Variants in DDX60L observed in about 807,000 individuals in gnomAD.
The protein encoded by DDX60L is probable ATP-dependent RNA helicase DDX60-like.
A neutral mutation model predicts 211.6 loss-of-function variants in DDX60L; 191 were observed. That is an observed-to-expected ratio of 0.90 (90% CI 0.80 to 1.02). The LOEUF (loss-of-function observed/expected upper bound fraction) is 1.02. Among genes scored for constraint, DDX60L ranks in the 50% least tolerant of loss-of-function variants. DDX60L has a pLI of 0.00. For synonymous variants in DDX60L, 706 were observed against 694.1 expected (o/e 1.02, Z -0.27); for missense variants, 2,007 against 1,984.1 (o/e 1.01, Z -0.22).
At chr4:168,441,304 C>CT in intron 10 of DDX60L, 33 bp downstream of exon 10, 1 of 1,546,348 alleles carries the variant, frequency 6.5e-7, no homozygotes, top group Non-Finnish European at 8.7e-7. Flanking sequence ...GACAAACATG[C>CT]TTTTGTTCCA....
intron 27 of DDX60L, 116 bp downstream of exon 27, chr4:168,395,843 G>A (rs1398772759): frequency 1.4e-6 from 1 of 732,562 alleles, no homozygotes; most frequent in Middle Eastern, 3.8e-4. Flanking sequence ...CACACACAGA[G>A]ATAATCATAT....
intron 15 of DDX60L, among the ~76,000 whole-genome samples, chr4:168,423,000 T>TGTGTGTGTGTGTG (rs375472116): frequency 1.1e-4 from 12 of 108,160 alleles, no homozygotes; most frequent in South Asian, 5.1e-4. Context: ...TGTGTGTGTG[T>TGTGTGTGTGTGTG]TGTAGAGACA....
At chr4:168,467,860 C>G (rs1022295868) in intron 4 of DDX60L, among the ~76,000 whole-genome samples, 2 of 152,070 alleles carry the variant, frequency 1.3e-5, no homozygotes, top group Non-Finnish European at 2.9e-5. Context: ...CAAAACCAAA[C>G]GAAGGCATTA....
chr4:168,376,542 G>T (rs1485665668), intron 33 of DDX60L, among the ~76,000 whole-genome samples: 2 of 152,158 alleles, frequency 1.3e-5, no homozygotes, highest in Non-Finnish European at 2.9e-5. Flanking sequence ...CCTTACAGTG[G>T]ATAGTATGAC....
At chr4:168,364,536 G>A (rs1432382796) in intron 36 of DDX60L, among the ~76,000 whole-genome samples, 2 of 152,118 alleles carry the variant, frequency 1.3e-5, no homozygotes, top group African/African-American at 2.4e-5. Flanking sequence ...CTGCACCATA[G>A]ACCAAATTGA....
At position 168,421,760 on chromosome 4, in the gene DDX60L, C is replaced by T; in HGVS notation, c.2394G>A (p.Lys798=). 4 of 1,613,956 alleles carry T rather than the reference C, an allele frequency of 2.5e-6. No homozygotes were observed. The highest frequency in any genetic ancestry group is 1.3e-5 in the African/African-American group (1 of 75,038). The part of the protein sequence containing the change: ...VGVVVYVAPA[K]SLVGQVAATV... ...AAAATGAAAGTCATTCAAACACTAC[C>T]TTTGCGGGTGCAACGTACACAACCA... Residue 798 remains lysine (K), a splice_region_variant and synonymous_variant, in exon 17 of 38, where the codon AAG becomes AAA. Coordinates refer to ENST00000682922, the MANE Select transcript of DDX60L (RefSeq NM_001012967.3).
rs1224238365 is a variant in DDX60L, at chr4:168,390,556, A to T, written c.3915+984T>A. On this transcript the variant is annotated intron_variant, in intron 29 of 37. Coordinates refer to ENST00000682922, the MANE Select transcript of DDX60L (RefSeq NM_001012967.3). ...CTAAATTTGAATAAGAAAAGAGGAA[A>T]ATTTCAAGAATAAGCAAAATGATAA... The T allele has an allele frequency of 5.0e-6, 6 of 1,190,970 alleles. No individual in the cohort carries two copies. The South Asian group carries it at 1.1e-4, about 21-fold the overall frequency. 73.8% of individuals were successfully genotyped at this position (1,190,970 alleles called of 1,614,324 possible). A position where few individuals can be genotyped will look rare whatever the true frequency, so the allele number is the denominator to read the frequency against.
chr4:168,377,319 TAA>T (rs1742141137), intron 33 of DDX60L, among the ~76,000 whole-genome samples: 1 of 64,198 alleles, frequency 1.6e-5, no homozygotes, highest in African/African-American at 7.9e-5. Context: ...AATAAATAAA[TAA>T]ATAAATAAAT....
chr4:168,473,571 C>T (rs1295641204), intron 1 of DDX60L, among the ~76,000 whole-genome samples: 1 of 152,112 alleles, frequency 6.6e-6, no homozygotes, highest in Non-Finnish European at 1.5e-5. Flanking sequence ...CTAGCAAGGA[C>T]AGGAGGATGG....
At chr4:168,359,878 G>A (rs1334175056) in intron 37 of DDX60L, among the ~76,000 whole-genome samples, 7 of 152,126 alleles carry the variant, frequency 4.6e-5, no homozygotes, top group South Asian at 2.1e-4. Flanking sequence ...GCCTATCCCC[G>A]AATACATCAG....
chr4:168,455,514 A>C (rs985988593), intron 7 of DDX60L, among the ~76,000 whole-genome samples: 1 of 152,176 alleles, frequency 6.6e-6, no homozygotes, highest in African/African-American at 2.4e-5. Context: ...CCTAGTCAAA[A>C]TCCAGGCTGC....
chr4:168,422,632 G>A lies in DDX60L; in HGVS notation c.2136C>T (p.Asp712=), dbSNP rs772540117. Residue 712 remains aspartate (D), a synonymous_variant, in exon 16 of 38, where the codon GAC becomes GAT. Coordinates refer to ENST00000682922, the MANE Select transcript of DDX60L (RefSeq NM_001012967.3). The stretch of plus-strand genomic sequence containing the variant: ...GCAGTTGAAACCGAGCTGGTCCAAT[G>A]TCAATCGAATATTTCTTCTTATTTT... ...DDKNKKKYSI[D]IGPARFQLQY... is the part of the protein sequence containing the mutation. 1 of 1,610,842 alleles carries A rather than the reference G, an allele frequency of 6.2e-7. No homozygotes were observed. Among genetic ancestry groups the A allele is most frequent in the Admixed American group, 1.7e-5 (1 of 59,742 alleles).
chr4:168,409,097 A>G (rs17540275), intron 22 of DDX60L, among the ~76,000 whole-genome samples: 16,657 of 152,204 alleles, frequency 0.11, 1,252 homozygotes, highest in Admixed American at 0.15. Context: ...GGTCTTATAT[A>G]AATGCACACC....
chr4:168,441,715 G>A (rs1377734830), intron 9 of DDX60L, among the ~76,000 whole-genome samples: 1 of 152,062 alleles, frequency 6.6e-6, no homozygotes, highest in Non-Finnish European at 1.5e-5. Flanking sequence ...CAGGTACTGT[G>A]ACATGGGCCT....
intron 36 of DDX60L, among the ~76,000 whole-genome samples, chr4:168,367,392 T>C (rs961675596): frequency 6.6e-6 from 1 of 152,258 alleles, no homozygotes; most frequent in Admixed American, 6.5e-5. Flanking sequence ...TTTTCTCATC[T>C]GCCACCATGT....
chr4:168,417,227 T>G (rs886831049), intron 19 of DDX60L, among the ~76,000 whole-genome samples: 31 of 152,166 alleles, frequency 2.0e-4, no homozygotes, highest in Non-Finnish European at 3.1e-4. Context: ...CCCAATGCAT[T>G]TACAGTAAAC....
intron 1 of DDX60L, among the ~76,000 whole-genome samples, chr4:168,474,547 C>T (rs1486003732): frequency 6.6e-6 from 1 of 152,014 alleles, no homozygotes; most frequent in Non-Finnish European, 1.5e-5. Flanking sequence ...GATACTGAAT[C>T]TATGAAATAG....
intron 16 of DDX60L, among the ~76,000 whole-genome samples, 155 bp downstream of exon 16, chr4:168,422,369 G>T (rs562035565): frequency 1.3e-5 from 2 of 152,280 alleles, no homozygotes; most frequent in South Asian, 2.1e-4. Context: ...AGAAATGAAT[G>T]ATTTCTCATA....
In DDX60L at chr4:168,405,550, A is replaced by T. The variant is rs114294533; in HGVS notation, c.3213+400T>A. 3.7e-3 allele frequency among the ~76,000 whole-genome samples: 564 copies of T among 152,284 alleles called. 4 individuals are homozygous for T. The highest frequency in any genetic ancestry group is 0.012 in the African/African-American group (519 of 41,562). ...TTCAGAAATTGGTTATTTTTAAATA[A>T]TTTATTTTTATTTGCACAAAACTTT... On this transcript the variant is annotated intron_variant, in intron 24 of 37. Coordinates refer to ENST00000682922, the MANE Select transcript of DDX60L (RefSeq NM_001012967.3).
Sources: allele counts gnomAD v4.1 joint callset (sites outside exome capture counted in the v4.1 genomes callset), GRCh38; gene constraint gnomAD v4.1.1; transcripts MANE v1.5; gene names NCBI Gene and HGNC (gene_info 2026-07-23, HGNC 2026-07-21).